SLC23A2: variants seen among roughly 807,000 people sequenced by gnomAD.
The protein encoded by SLC23A2 is solute carrier family 23 member 2.
Under a neutral mutation model 73.3 loss-of-function variants are expected in SLC23A2, and 36 were observed. The observed-to-expected ratio is 0.49, with a 90% confidence interval of 0.38 to 0.65. SLC23A2 has a LOEUF of 0.65. Ranked by LOEUF, SLC23A2 falls within the 30% of genes least tolerant of loss-of-function variation. The pLI is 0.00. For missense variants in SLC23A2, 507 were observed against 841.6 expected, an observed-to-expected ratio of 0.60 and a Z score of 4.92; for synonymous variants, 343 against 327.3, an observed-to-expected ratio of 1.05 and a Z score of -0.52.
chr20:4,919,242 G>T (rs6052965), intron 3 of SLC23A2, among the ~76,000 whole-genome samples: 1 of 152,168 alleles, frequency 6.6e-6, no homozygotes. Flanking sequence ...GGCTGATGCC[G>T]CAAAGCCTCT....
chr20:4,968,284 G>A (rs1034465098), intron 2 of SLC23A2, among the ~76,000 whole-genome samples: 11 of 152,186 alleles, frequency 7.2e-5, no homozygotes, highest in Admixed American at 6.6e-4. Context: ...CACTACGGAG[G>A]TCCAGAGGTA....
intron 2 of SLC23A2, among the ~76,000 whole-genome samples, chr20:4,934,629 AGGTG>A (rs1169048435): frequency 6.6e-6 from 1 of 152,160 alleles, no homozygotes; most frequent in Non-Finnish European, 1.5e-5. Context: ...TGAGAGGCTG[AGGTG>A]GGTGGATCAC....
chr20:4,885,814 C>T lies in SLC23A2; in HGVS notation c.571+7G>A, dbSNP rs201215817. The T allele has an allele frequency of 1.2e-5, 19 of 1,596,890 alleles. No homozygotes were observed. Among genetic ancestry groups the T allele is most frequent in the Middle Eastern group, 3.3e-4 (2 of 6,058 alleles). Reference sequence around the variant, plus strand: ...CCAATGACATATGTGGAAATAACTGCAATTACCTGTGGTGTTACATTTCCA... The same window carrying T: ...CCAATGACATATGTGGAAATAACTGTAATTACCTGTGGTGTTACATTTCCA... On this transcript the variant is annotated splice_region_variant and intron_variant, in intron 7 of 16. Coordinates refer to ENST00000338244, the MANE Select transcript of SLC23A2 (RefSeq NM_005116.6).
At chr20:5,002,306 T>C (rs533166731), upstream of SLC23A2, among the ~76,000 whole-genome samples, 2 of 152,340 alleles carry the variant, frequency 1.3e-5, no homozygotes, top group East Asian at 3.9e-4. Flanking sequence ...CTCCAGAATC[T>C]GCATTTCTGC....
rs1930067065 is a variant in SLC23A2, at chr20:4,863,437, C to T, written c.1357-530G>A. 6.6e-6 allele frequency among the ~76,000 whole-genome samples: 1 copy of T among 152,180 alleles called. No homozygotes were observed. Among genetic ancestry groups the T allele is most frequent in the South Asian group, 2.1e-4 (1 of 4,834 alleles). ...CCCACGTCTGACTGTATGGTCGGGC[C>T]GACCCGTAGCCTCTAGAGTCTCAGG... On this transcript the variant is annotated intron_variant, in intron 13 of 16. Coordinates refer to ENST00000338244, the MANE Select transcript of SLC23A2 (RefSeq NM_005116.6). This position sits in a 1 kb window ranked among gnomAD's most constrained non-coding sequence, Gnocchi z 4.8.
chr20:4,890,489 C>G (rs1203150747), intron 6 of SLC23A2, among the ~76,000 whole-genome samples: 1 of 152,048 alleles, frequency 6.6e-6, no homozygotes, highest in Non-Finnish European at 1.5e-5. Context: ...CCCATCTCTA[C>G]TAAAAACACA....
chr20:4,986,698 A>T (rs2087836259), intron 1 of SLC23A2, among the ~76,000 whole-genome samples: 1 of 151,796 alleles, frequency 6.6e-6, no homozygotes. Flanking sequence ...ACAGAGATGA[A>T]TATAAATAGA....
At chr20:4,948,920 G>T (rs1326572087) in intron 2 of SLC23A2, among the ~76,000 whole-genome samples, 1 of 152,150 alleles carries the variant, frequency 6.6e-6, no homozygotes, top group Admixed American at 6.5e-5. Flanking sequence ...AGCTCTCCAT[G>T]AAGTTTGTTT....
chr20:4,882,800 A>G (rs536745630), intron 9 of SLC23A2, among the ~76,000 whole-genome samples: 2 of 152,368 alleles, frequency 1.3e-5, no homozygotes, highest in South Asian at 2.1e-4. Flanking sequence ...CTGTTATTAA[A>G]TAACTGCAGA....
intron 1 of SLC23A2, among the ~76,000 whole-genome samples, chr20:4,974,873 C>T (rs1331600905): frequency 2.6e-5 from 4 of 152,156 alleles, no homozygotes; most frequent in African/African-American, 7.2e-5. Context: ...CTGCAACCTC[C>T]GCCTCCAGGG....
chr20:4,919,108 A>C (rs943761032), intron 3 of SLC23A2, among the ~76,000 whole-genome samples: 1 of 152,258 alleles, frequency 6.6e-6, no homozygotes, highest in African/African-American at 2.4e-5. Context: ...CACTATGAAA[A>C]ATAAATTCAA....
intron 3 of SLC23A2, among the ~76,000 whole-genome samples, chr20:4,925,740 G>A (rs572049599): frequency 1.3e-5 from 2 of 152,204 alleles, no homozygotes; most frequent in East Asian, 1.9e-4. Context: ...CTAAACTTGC[G>A]CCCCAAGCAG....
chr20:4,977,953 G>A (rs181146158), intron 1 of SLC23A2, among the ~76,000 whole-genome samples: 69 of 152,118 alleles, frequency 4.5e-4, no homozygotes, highest in African/African-American at 1.5e-3. Flanking sequence ...GAAAGATACT[G>A]GTAGTGGCTC....
At chr20:4,898,873 A>G (rs1389795543) in intron 6 of SLC23A2, among the ~76,000 whole-genome samples, 1 of 152,234 alleles carries the variant, frequency 6.6e-6, no homozygotes, top group Admixed American at 6.5e-5. Context: ...AATTCAGAGA[A>G]CAATGAAGGG....
rs1460249551 is a variant in SLC23A2 at position 4,852,576 on chromosome 20, C to A, written c.*4396G>T. 6.6e-6 allele frequency: 1 copy of A among 152,370 alleles called. No homozygotes were observed. The highest frequency in any genetic ancestry group is 1.5e-5 in the Non-Finnish European group (1 of 68,016). The allele number at this position is 152,370 out of a possible 1,614,324, so 9.4% of individuals were successfully genotyped here. On this transcript the variant is annotated 3_prime_UTR_variant, in exon 17 of 17. Coordinates refer to ENST00000338244, the MANE Select transcript of SLC23A2 (RefSeq NM_005116.6). This position sits in a 1 kb window ranked among gnomAD's most constrained non-coding sequence, Gnocchi z 4.3. ...TCAAAAAACAACCCCACCCCAAATA[C>A]CCTCGGTAATCAAAATAAAAATAAA...
chr20:4,975,801 A>AT (rs1351949592), intron 1 of SLC23A2, among the ~76,000 whole-genome samples: 1 of 142,962 alleles, frequency 7.0e-6, no homozygotes, highest in African/African-American at 2.6e-5. Context: ...CCTTTTACCC[A>AT]TTTTTTTCAG....
intron 9 of SLC23A2, among the ~76,000 whole-genome samples, chr20:4,881,265 G>A (rs1930872031): frequency 6.6e-6 from 1 of 152,168 alleles, no homozygotes; most frequent in South Asian, 2.1e-4. Flanking sequence ...ATAGGGGCTG[G>A]ATCTGTAAGT....
chr20:4,896,591 T>A (rs1269265008), intron 6 of SLC23A2, among the ~76,000 whole-genome samples: 2 of 152,078 alleles, frequency 1.3e-5, no homozygotes, highest in African/African-American at 2.4e-5. Flanking sequence ...CAGCTAAGGA[T>A]TCAAAGCAGG....
At position 4,885,900 on chromosome 20, in the gene SLC23A2, C is replaced by T; in HGVS notation, c.492G>A (p.Leu164=). The stretch of plus-strand genomic sequence containing the variant: ...AAAATGCAAAAGCACTGGCCTGAAA[C>T]AGGGGTAACCTAAAAGAAACGAGAC... ...LQTTFGCRLP[L]FQASAFAFLA... is the part of the protein sequence containing the mutation. The change falls in exon 7 of 17, where the codon CTG becomes CTA. Residue 164 remains leucine, a synonymous_variant. Coordinates refer to ENST00000338244, the MANE Select transcript of SLC23A2 (RefSeq NM_005116.6). 1.2e-6 allele frequency: 2 copies of T among 1,611,968 alleles called. No homozygotes were observed. The highest frequency in any genetic ancestry group is 1.7e-6 in the Non-Finnish European group (2 of 1,178,790).
Sources: gnomAD v4.1 joint callset for allele counts (sites outside exome capture counted in the v4.1 genomes callset) on GRCh38, gnomAD v4.1.1 for gene constraint, Gnocchi (gnomAD v3.1) non-coding constraint, MANE v1.5 for transcripts, NCBI Gene and HGNC (gene_info 2026-07-23, HGNC 2026-07-21) for gene names.